Variants in SUCLA2 observed in about 807,000 individuals in gnomAD.
SUCLA2 encodes the protein succinate-CoA ligase ADP-forming subunit beta, also known as succinate--CoA ligase [ADP-forming] subunit beta, mitochondrial.
Under a neutral mutation model 54.8 loss-of-function variants are expected in SUCLA2, and 30 were observed. That is an observed-to-expected ratio of 0.55 (90% CI 0.41 to 0.74). The LOEUF is 0.74. SUCLA2 is among the 30% of genes least tolerant of loss of function. The pLI is 0.00. For synonymous variants in SUCLA2, 172 were observed against 188.9 expected, an observed-to-expected ratio of 0.91 and a Z score of 0.74; for missense variants, 476 against 562.9, an observed-to-expected ratio of 0.85 and a Z score of 1.56.
At chr13:47,997,089 G>T in intron 1 of SUCLA2, 66 bp from the exon 2 acceptor site, 1 of 1,529,650 alleles carries the variant, frequency 6.5e-7, no homozygotes, top group Non-Finnish European at 9.0e-7. Flanking sequence ...TAACTACTTG[G>T]TTCTTCATAA....
chr13:47,964,630 G>T (rs1237431268), intron 6 of SUCLA2, among the ~76,000 whole-genome samples: 4 of 152,186 alleles, frequency 2.6e-5, no homozygotes, highest in African/African-American at 9.7e-5. Flanking sequence ...GGCCAAGGCG[G>T]GCGGATCACA....
At chr13:47,973,192 A>G in intron 5 of SUCLA2, 72 bp downstream of exon 5, 1 of 1,315,674 alleles carries the variant, frequency 7.6e-7, no homozygotes, top group South Asian at 1.2e-5. Flanking sequence ...CAATTACTTC[A>G]GTTGTACGGT....
intron 2 of SUCLA2, among the ~76,000 whole-genome samples, chr13:47,993,015 G>A (rs1017542354): frequency 6.6e-6 from 1 of 152,198 alleles, no homozygotes; most frequent in African/African-American, 2.4e-5. Context: ...TGGAAGGCTT[G>A]AGCCCCGGAG....
At chr13:47,997,129 A>G (rs1244245928) in intron 1 of SUCLA2, 106 bp from the exon 2 acceptor site, 3 of 1,168,148 alleles carry the variant, frequency 2.6e-6, no homozygotes, top group Non-Finnish European at 3.8e-6. Context: ...TTACATTAGC[A>G]AAGTACAATA....
chr13:47,944,056 C>CA (rs1223647894), intron 10 of SUCLA2, among the ~76,000 whole-genome samples: 2 of 151,658 alleles, frequency 1.3e-5, no homozygotes, highest in East Asian at 1.9e-4. Flanking sequence ...TGTCTAAGAC[C>CA]AAAAAAACAA....
intron 10 of SUCLA2, 142 bp downstream of exon 10, chr13:47,948,798 A>G: frequency 3.7e-6 from 3 of 814,744 alleles, no homozygotes; most frequent in Non-Finnish European, 6.3e-6. Flanking sequence ...TTTCAGCAAG[A>G]GTCATGAATA....
At position 47,943,764 on chromosome 13, in the gene SUCLA2, G is replaced by GTATATATATATATATATATATA. The variant is rs1366859649; in HGVS notation, c.1318-320_1318-319insTATATATATATATATATATATA. On this transcript the variant is annotated intron_variant, in intron 10 of 10. Transcript: ENST00000646932. Reference sequence around the variant, plus strand: ...TATGTATGTGTGTGTGTGTGTGTGTGTGTATATATATATATATTATTCTAA... The same window carrying GTATATATATATATATATATATA: ...TATGTATGTGTGTGTGTGTGTGTGTGTATATATATATATATATATATATGTATATATATATATATTATTCTAA... Among the ~76,000 whole-genome samples, 91 of 137,944 alleles carry GTATATATATATATATATATATA rather than the reference G, an allele frequency of 6.6e-4. 1 individual carries two copies. Among genetic ancestry groups the GTATATATATATATATATATATA allele is most frequent in the Middle Eastern group, 3.8e-3 (1 of 264 alleles). 90.5% of individuals were successfully genotyped at this position (137,944 alleles called of 152,430 possible). A position where few individuals can be genotyped will look rare whatever the true frequency, so the allele number is the denominator to read the frequency against.
chr13:47,988,282 G>T (rs908694341), intron 4 of SUCLA2: 7 of 530,212 alleles, frequency 1.3e-5, no homozygotes, highest in Non-Finnish European at 2.3e-5. Context: ...TGCTTTTAGT[G>T]AATTAACAAT....
At chr13:47,970,079 G>A (rs927282701) in intron 5 of SUCLA2, among the ~76,000 whole-genome samples, 2 of 149,594 alleles carry the variant, frequency 1.3e-5, no homozygotes, top group African/African-American at 4.9e-5. Flanking sequence ...TCCTGCCTGG[G>A]CGACAGAGTG....
Position 47,996,887 on chromosome 13 carries a change from A to G in SUCLA2, c.227T>C (p.Val76Ala). ...EAGVSVPKGY[V>A]AKSPDEAYAI... The stretch of plus-strand genomic sequence containing the variant: ...ATAAGCTTCATCTGGTGACTTTGCC[A>G]CATATCCTTTGGGAACGGAGACACC... The change falls in exon 2 of 11, where the codon GTG becomes GCG. Residue 76 changes from valine to alanine, a missense_variant. By Grantham distance (64) the Val-to-Ala change is moderately conservative. Coordinates refer to ENST00000646932, the MANE Select transcript of SUCLA2 (RefSeq NM_003850.3). 6.2e-7 allele frequency: 1 copy of G among 1,613,996 alleles called. No homozygotes were observed. The highest frequency in any genetic ancestry group is 8.5e-7 in the Non-Finnish European group (1 of 1,179,904).
chr13:47,943,469 T>C, intron 10 of SUCLA2, 24 bp from the exon 11 acceptor site: 1 of 1,612,776 alleles, frequency 6.2e-7, no homozygotes, highest in East Asian at 2.2e-5. Context: ...ACGAAGAATT[T>C]TCACAAAAAG....
chr13:47,995,768 T>C (rs991044723), intron 2 of SUCLA2, among the ~76,000 whole-genome samples: 1 of 152,194 alleles, frequency 6.6e-6, no homozygotes, highest in Non-Finnish European at 1.5e-5. Flanking sequence ...CTGCAGTGTA[T>C]AGCTAGTACA....
intron 1 of SUCLA2, among the ~76,000 whole-genome samples, chr13:47,998,351 G>A (rs147195677): frequency 4.1e-4 from 61 of 149,156 alleles, no homozygotes; most frequent in African/African-American, 1.5e-3. Context: ...CTACTGTTTA[G>A]TATACCTCCA....
intron 6 of SUCLA2, among the ~76,000 whole-genome samples, chr13:47,966,974 T>C (rs545756521): frequency 1.4e-3 from 218 of 152,270 alleles, no homozygotes; most frequent in Non-Finnish European, 2.7e-3. Context: ...GAGCTGTGAT[T>C]GTGTCAGCGT....
intron 6 of SUCLA2, among the ~76,000 whole-genome samples, chr13:47,967,036 T>G (rs1239610112): frequency 1.3e-5 from 2 of 152,078 alleles, no homozygotes; most frequent in African/African-American, 4.8e-5. Context: ...TTTAAAAATA[T>G]AATATTTTAT....
chr13:47,943,912 A>G (rs922793784), intron 10 of SUCLA2, among the ~76,000 whole-genome samples: 2 of 151,986 alleles, frequency 1.3e-5, no homozygotes, highest in African/African-American at 4.8e-5. Context: ...TTGGGATAGA[A>G]ATTTGGGTCT....
intron 4 of SUCLA2, 27 bp from the exon 5 acceptor site, chr13:47,973,419 C>T (rs1244062260): frequency 6.2e-7 from 1 of 1,610,896 alleles, no homozygotes; most frequent in South Asian, 1.1e-5. Context: ...ACAACCAAAA[C>T]TCTAGATTTA....
intron 4 of SUCLA2, among the ~76,000 whole-genome samples, chr13:47,973,892 G>A (rs1286285891): frequency 6.6e-6 from 1 of 152,000 alleles, no homozygotes; most frequent in Non-Finnish European, 1.5e-5. Context: ...TGAACAATGA[G>A]AACACATGGA....
intron 6 of SUCLA2, among the ~76,000 whole-genome samples, chr13:47,957,320 C>G (rs1949829364): frequency 6.6e-6 from 1 of 152,174 alleles, no homozygotes; most frequent in East Asian, 1.9e-4. Flanking sequence ...AATTGGCTTT[C>G]TGTGTGGCGA....
Sources: gnomAD v4.1 joint callset for allele counts (sites outside exome capture counted in the v4.1 genomes callset) on GRCh38, gnomAD v4.1.1 for gene constraint, MANE v1.5 for transcripts, NCBI Gene and HGNC (gene_info 2026-07-23, HGNC 2026-07-21) for gene names.